The following PMM2 variants were observed in gnomAD, a reference collection of about 807,000 sequenced individuals.
PMM2 encodes phosphomannomutase 2.
PMM2 carries 35 observed loss-of-function variants against 33.2 expected under a neutral mutation model. The observed-to-expected ratio is 1.06, with a 90% CI of 0.81 to 1.40. The LOEUF is 1.40. Ranked by LOEUF, PMM2 falls within the 40% of genes most tolerant of loss-of-function variation. The pLI is 0.00. For missense variants in PMM2, 386 were observed against 306.0 expected (o/e 1.26, Z -1.95); for synonymous variants, 153 against 114.7 (o/e 1.33, Z -2.13).
intron 7 of PMM2, among the ~76,000 whole-genome samples, chr16:8,823,544 G>A (rs978738005): frequency 2.0e-5 from 3 of 152,140 alleles, no homozygotes; most frequent in African/African-American, 7.2e-5. Context: ...ATTAAGCTTG[G>A]CCTGATTATT....
At chr16:8,827,307 GACAA>G (rs2060774341) in intron 7 of PMM2, among the ~76,000 whole-genome samples, 1 of 146,420 alleles carries the variant, frequency 6.8e-6, no homozygotes, top group Non-Finnish European at 1.5e-5. Flanking sequence ...TGAGAAGAAA[GACAA>G]ACAAAAACTC....
At chr16:8,821,581 T>G (rs1302898081) in intron 7 of PMM2, among the ~76,000 whole-genome samples, 1 of 152,138 alleles carries the variant, frequency 6.6e-6, no homozygotes, top group African/African-American at 2.4e-5. Context: ...CTGTGGGCAT[T>G]CCAGGCCCAG....
chr16:8,847,546 T>C, intron 7 of PMM2, 178 bp from the exon 8 acceptor site: 1 of 619,488 alleles, frequency 1.6e-6, no homozygotes, highest in East Asian at 2.8e-5. Context: ...TATAAATCTC[T>C]TCTTAATAAC....
At chr16:8,823,849 C>G (rs778912557) in intron 7 of PMM2, among the ~76,000 whole-genome samples, 1 of 151,914 alleles carries the variant, frequency 6.6e-6, no homozygotes, top group Non-Finnish European at 1.5e-5. Context: ...ATGAGGCCAG[C>G]TTTTCCAAGG....
chr16:8,805,707 C>T (rs1391316841), intron 3 of PMM2, among the ~76,000 whole-genome samples: 2 of 151,986 alleles, frequency 1.3e-5, no homozygotes, highest in African/African-American at 4.8e-5. Context: ...ATTCTTGTGC[C>T]TCAGCCTCCC....
chr16:8,847,488 A>G (rs769923057), intron 7 of PMM2, among the ~76,000 whole-genome samples: 1 of 152,128 alleles, frequency 6.6e-6, no homozygotes. Context: ...GATGGCTCTC[A>G]TAGGCATAAT....
chr16:8,807,252 C>A (rs2060653010), intron 4 of PMM2, among the ~76,000 whole-genome samples: 1 of 151,888 alleles, frequency 6.6e-6, no homozygotes, highest in South Asian at 2.1e-4. Context: ...ACTGATCCAC[C>A]CACCTTGGCC....
intron 2 of PMM2, 156 bp downstream of exon 2, chr16:8,802,066 C>G (rs557668352): frequency 1.6e-6 from 1 of 633,206 alleles, no homozygotes; most frequent in East Asian, 3.2e-5. Flanking sequence ...TGCTTTTCCT[C>G]TGCTTTTAAT....
intron 7 of PMM2, among the ~76,000 whole-genome samples, chr16:8,827,869 A>G (rs1596497305): frequency 1.9e-5 from 2 of 107,598 alleles, no homozygotes; most frequent in East Asian, 2.5e-4. Flanking sequence ...TATATATTAT[A>G]TATATGTTAT....
At chr16:8,824,577 CT>C (rs948189023) in intron 7 of PMM2, among the ~76,000 whole-genome samples, 3 of 152,040 alleles carry the variant, frequency 2.0e-5, no homozygotes, top group African/African-American at 7.2e-5. Context: ...AAGTTAAACA[CT>C]TTTTTATATT....
rs191702999 is a variant in PMM2 at position 8,818,774 on chromosome 16, C to G, written c.639+5668C>G. 2.0e-5 allele frequency among the ~76,000 whole-genome samples: 3 copies of G among 149,690 alleles called. 1 individual carries two copies. In the East Asian group the frequency reaches 5.8e-4, roughly 29 times the overall value. ...TGCCATCTTCAGAAACCCTGTCATT[C>G]TTCCCATCAGCCACAAAAGCCAGTG... On this transcript the variant is annotated intron_variant, in intron 7 of 7. Transcript: ENST00000268261.
At chr16:8,845,460 A>C (rs572568862) in intron 7 of PMM2, among the ~76,000 whole-genome samples, 1 of 152,146 alleles carries the variant, frequency 6.6e-6, no homozygotes, top group Middle Eastern at 3.2e-3. Flanking sequence ...GCCTGACAGT[A>C]GGTGTTCTAG....
chr16:8,798,403 C>T (rs2060591892), intron 1 of PMM2, among the ~76,000 whole-genome samples: 1 of 152,172 alleles, frequency 6.6e-6, no homozygotes. Context: ...TCTGTGTGAC[C>T]TTCAGCGAGT....
In PMM2 at chr16:8,804,815, A is replaced by G. The variant is rs1440183322; in HGVS notation, c.227A>G (p.Tyr76Cys). The G allele has an allele frequency of 2.5e-6, 4 of 1,612,728 alleles. No homozygotes were observed. Among genetic ancestry groups the G allele is most frequent in the Non-Finnish European group, 3.4e-6 (4 of 1,178,710 alleles). Reference protein sequence around the residue: ...YVFPENGLVAYKDGKLLCRQN... With the variant: ...YVFPENGLVACKDGKLLCRQN... ...TTTCCAGAAAATGGCTTGGTAGCATACAAAGATGGGAAACTCTTGTGTAGA... is the reference window on the plus strand; with the variant it reads ...TTTCCAGAAAATGGCTTGGTAGCATGCAAAGATGGGAAACTCTTGTGTAGA... The change falls in exon 3 of 8, where the codon TAC (tyrosine) becomes TGC (cysteine). Residue 76 changes from tyrosine to cysteine, a missense_variant. Coordinates refer to ENST00000268261, the MANE Select transcript of PMM2 (RefSeq NM_000303.3).
At chr16:8,844,980 G>T (rs2141049071) in intron 7 of PMM2, among the ~76,000 whole-genome samples, 1 of 152,320 alleles carries the variant, frequency 6.6e-6, no homozygotes, top group South Asian at 2.1e-4. Context: ...GAGGATAGGG[G>T]ATTGATCTCC....
intron 7 of PMM2, among the ~76,000 whole-genome samples, chr16:8,825,412 G>A (rs559278441): frequency 3.5e-4 from 53 of 151,702 alleles, no homozygotes; most frequent in African/African-American, 1.2e-3. Context: ...TGCACCCTCC[G>A]CCTCCTGGGT....
intron 7 of PMM2, among the ~76,000 whole-genome samples, chr16:8,819,188 T>C (rs1393425664): frequency 6.6e-6 from 1 of 152,230 alleles, no homozygotes; most frequent in African/African-American, 2.4e-5. Context: ...ACAGCCCCGC[T>C]GCTCCTCAGG....
At chr16:8,817,404 C>G (rs1429064381) in intron 7 of PMM2, among the ~76,000 whole-genome samples, 4 of 152,174 alleles carry the variant, frequency 2.6e-5, no homozygotes, top group Non-Finnish European at 5.9e-5. Flanking sequence ...TAGCTTGGTG[C>G]CATTTCTTGT....
chr16:8,836,397 C>CA (rs1376594849), intron 7 of PMM2, among the ~76,000 whole-genome samples: 6 of 151,932 alleles, frequency 3.9e-5, no homozygotes, highest in Non-Finnish European at 7.4e-5. Flanking sequence ...TGGGGTCCCG[C>CA]ACAGATGGGA....
Sources: gnomAD v4.1 joint callset for allele counts (sites outside exome capture counted in the v4.1 genomes callset) on GRCh38, gnomAD v4.1.1 for gene constraint, MANE v1.5 for transcripts, NCBI Gene and HGNC (gene_info 2026-07-23, HGNC 2026-07-21) for gene names.